The following CLUAP1 variants were observed in gnomAD, a reference collection of about 807,000 sequenced individuals.
The protein encoded by CLUAP1 is intraflagellar transport 38.
A neutral mutation model predicts 55.0 loss-of-function variants in CLUAP1; 50 were observed. The ratio of observed to expected loss-of-function variants is 0.91; its 90% confidence interval spans 0.72 to 1.15. The LOEUF (loss-of-function observed/expected upper bound fraction) is 1.15, where lower values mean the gene tolerates loss of function less well. CLUAP1 is among the 50% of genes most tolerant of loss of function. The probability of loss-of-function intolerance (pLI) is 0.00; values close to 1 mark genes in which losing one functional copy is unlikely to be tolerated. For missense variants in CLUAP1, 530 were observed against 507.6 expected, an observed-to-expected ratio of 1.04 and a Z score of -0.42; for synonymous variants, 195 against 175.4, an observed-to-expected ratio of 1.11 and a Z score of -0.88.
At chr16:3,517,070 G>T (rs1018882995) in intron 6 of CLUAP1, among the ~76,000 whole-genome samples, 5 of 151,894 alleles carry the variant, frequency 3.3e-5, no homozygotes, top group African/African-American at 1.2e-4. Context: ...TGGAGGCTGA[G>T]GAGGAGCAGG....
At chr16:3,496,444 C>T (rs1596377022), upstream of CLUAP1, 1 of 1,001,080 alleles carries the variant, frequency 1.0e-6, no homozygotes, top group African/African-American at 1.6e-5. Context: ...ACAAAACGGC[C>T]GTGGTTGTGG....
In CLUAP1 at chr16:3,538,645, G is replaced by C. The variant is rs1219413249; in HGVS notation, c.*2374G>C. ...ACAGACATAGGCAACAGCTCCAAAG[G>C]GTATTTCATTGTGTCACCTGCTTCT... On this transcript the variant is annotated 3_prime_UTR_variant, in exon 12 of 12. Transcript: ENST00000576634. 1 of 152,046 alleles carries C rather than the reference G, an allele frequency of 6.6e-6. No individual in the cohort carries two copies. Among genetic ancestry groups the C allele is most frequent in the South Asian group, 2.1e-4 (1 of 4,814 alleles). The allele number at this position is 152,046 out of a possible 1,614,324, so 9.4% of individuals were successfully genotyped here. A position where few individuals can be genotyped will look rare whatever the true frequency, so the allele number is the denominator to read the frequency against.
At position 3,512,303 on chromosome 16, in the gene CLUAP1, C is replaced by T. The variant is rs1596388663; in HGVS notation, c.400-80C>T. 14 of 1,075,100 alleles carry T rather than the reference C, an allele frequency of 1.3e-5. No homozygotes were observed. The East Asian group carries it at 3.3e-4, about 26-fold the overall frequency. 66.6% of individuals were successfully genotyped at this position (1,075,100 alleles called of 1,614,324 possible). On this transcript the variant is annotated intron_variant, in intron 4 of 11. Coordinates refer to ENST00000576634, the MANE Select transcript of CLUAP1 (RefSeq NM_015041.3). The stretch of plus-strand genomic sequence containing the variant: ...TTGAGGCCAGGAGTTAGAGAGCAGC[C>T]TGGGTAACATAGCCAAGACCCTGTC...
At chr16:3,504,951 C>A in intron 2 of CLUAP1, 120 bp downstream of exon 2, 1 of 682,008 alleles carries the variant, frequency 1.5e-6, no homozygotes, top group East Asian at 2.7e-5. Context: ...TTTGACAGAC[C>A]CAGCTGTATT....
chr16:3,496,782 A>C (rs1324040694), upstream of CLUAP1: 1 of 434,494 alleles, frequency 2.3e-6, no homozygotes, highest in Non-Finnish European at 4.5e-6. Context: ...CCCTCTTATT[A>C]AAAAGATTTT....
At chr16:3,520,365 G>A (rs1047388301) in intron 7 of CLUAP1, among the ~76,000 whole-genome samples, 6 of 151,854 alleles carry the variant, frequency 4.0e-5, no homozygotes, top group East Asian at 3.9e-4. Flanking sequence ...GAACAAGGCC[G>A]AGTAACAGAA....
upstream of CLUAP1, chr16:3,496,138 C>A: frequency 2.6e-6 from 1 of 388,788 alleles, no homozygotes; most frequent in South Asian, 2.0e-5. Context: ...GAGACTCCGT[C>A]TCAAAAAAAA....
intron 2 of CLUAP1, 86 bp downstream of exon 2, chr16:3,504,917 C>G: frequency 1.2e-6 from 1 of 850,720 alleles, no homozygotes; most frequent in Non-Finnish European, 2.0e-6. Flanking sequence ...AGCTGTGATG[C>G]TGCAAAAGGG....
chr16:3,529,834 A>AAT (rs1491122413), intron 9 of CLUAP1, among the ~76,000 whole-genome samples: 4 of 48,782 alleles, frequency 8.2e-5, no homozygotes, highest in Non-Finnish European at 1.4e-4. Flanking sequence ...TATATTATAT[A>AAT]ATATATTATA....
intron 1 of CLUAP1, among the ~76,000 whole-genome samples, chr16:3,504,211 T>G (rs1004653984): frequency 2.0e-5 from 3 of 152,192 alleles, no homozygotes; most frequent in African/African-American, 7.2e-5. Context: ...TCTTTAAAAC[T>G]TGTGTTATTT....
In CLUAP1 at chr16:3,530,551, G is replaced by T. The variant is rs763685944; in HGVS notation, c.929-17G>T. 5 of 1,601,222 alleles carry T rather than the reference G, an allele frequency of 3.1e-6. No homozygotes were observed. The highest frequency in any genetic ancestry group is 4.3e-6 in the Non-Finnish European group (5 of 1,168,706). ...ATGAAGCCACTCCTTTGTTTTGCCT[G>T]CTTGTGTTCCTGCTAGGTAACGATG... On this transcript the variant is annotated splice_polypyrimidine_tract_variant and intron_variant, in intron 9 of 11. Coordinates refer to ENST00000576634, the MANE Select transcript of CLUAP1 (RefSeq NM_015041.3).
chr16:3,504,296 A>C (rs1293875608), intron 1 of CLUAP1, among the ~76,000 whole-genome samples: 2 of 152,236 alleles, frequency 1.3e-5, no homozygotes, highest in Non-Finnish European at 2.9e-5. Context: ...GATTCCCCTC[A>C]GAAATAACCA....
chr16:3,536,107 A>AT lies in CLUAP1; in HGVS notation c.1093-8dup, dbSNP rs1430283072. Reference sequence around the variant, plus strand: ...GGCAGGATCCCCCGTTGCATCTGCCATTTTTTTCCTATAGGAGGACTCGGA... The same window carrying AT: ...GGCAGGATCCCCCGTTGCATCTGCCATTTTTTTTCCTATAGGAGGACTCGGA... On this transcript the variant is annotated splice_polypyrimidine_tract_variant and intron_variant, in intron 11 of 11. Transcript: ENST00000576634. 7 of 1,612,974 alleles carry AT rather than the reference A, an allele frequency of 4.3e-6. No individual in the cohort carries two copies. In the Admixed American group the frequency reaches 5.0e-5, roughly 12 times the overall value.
At chr16:3,527,938 A>G (rs960573183) in intron 9 of CLUAP1, among the ~76,000 whole-genome samples, 1 of 152,166 alleles carries the variant, frequency 6.6e-6, no homozygotes, top group African/African-American at 2.4e-5. Context: ...TCCAATAAAT[A>G]TCAGCACAGC....
upstream of CLUAP1, chr16:3,496,195 G>A (rs2037306899): frequency 1.8e-6 from 1 of 542,628 alleles, no homozygotes; most frequent in Non-Finnish European, 3.5e-6. Flanking sequence ...AGCAGGAAGC[G>A]CCATCATGGG....
intron 4 of CLUAP1, among the ~76,000 whole-genome samples, chr16:3,511,571 A>G (rs1275021397): frequency 2.0e-5 from 3 of 152,078 alleles, no homozygotes; most frequent in Non-Finnish European, 4.4e-5. Context: ...CTGCAAGAGG[A>G]TGTGTGTCCC....
chr16:3,505,479 G>A (rs771537066), intron 2 of CLUAP1, among the ~76,000 whole-genome samples: 8 of 149,066 alleles, frequency 5.4e-5, no homozygotes, highest in African/African-American at 1.0e-4. Context: ...GCAGTGAGCC[G>A]AAGTGTGCAG....
At chr16:3,503,549 G>A (rs1268692375) in intron 1 of CLUAP1, among the ~76,000 whole-genome samples, 3 of 151,866 alleles carry the variant, frequency 2.0e-5, no homozygotes, top group Non-Finnish European at 4.4e-5. Context: ...TACCCTCCTC[G>A]GCTCCCAAAG....
At position 3,536,309 on chromosome 16, in the gene CLUAP1, A is replaced by C. The variant is rs757236414; in HGVS notation, c.*38A>C. ...GGGACCCTGGCAGATTAAAACCCTC[A>C]GACTTGTAGGTAAATGGGAACTTAG... On this transcript the variant is annotated 3_prime_UTR_variant, in exon 12 of 12. Coordinates refer to ENST00000576634, the MANE Select transcript of CLUAP1 (RefSeq NM_015041.3). The C allele has an allele frequency of 3.1e-6, 5 of 1,602,482 alleles. No homozygotes were observed. In the South Asian group the frequency reaches 5.5e-5, roughly 18 times the overall value.
Sources: allele counts gnomAD v4.1 joint callset (sites outside exome capture counted in the v4.1 genomes callset), GRCh38; gene constraint gnomAD v4.1.1; transcripts MANE v1.5; gene names NCBI Gene and HGNC (gene_info 2026-07-23, HGNC 2026-07-21).